The following NFIB variants were observed in gnomAD, a reference collection of about 807,000 sequenced individuals.
The protein encoded by NFIB is nuclear factor 1 B-type.
Under a neutral mutation model 61.5 loss-of-function variants are expected in NFIB, and 11 were observed. The observed-to-expected ratio is 0.18, with a 90% CI of 0.11 to 0.30. The LOEUF (loss-of-function observed/expected upper bound fraction) is 0.30. NFIB is among the 10% of genes least tolerant of loss of function. The pLI is 1.00. For synonymous variants in NFIB, 260 were observed against 216.5 expected, an observed-to-expected ratio of 1.20 and a Z score of -1.76; for missense variants, 471 against 608.9, an observed-to-expected ratio of 0.77 and a Z score of 2.38.
At chr9:14,318,505 C>CTTTTTTTTTTTTTTTT (rs34481505), upstream of NFIB, among the ~76,000 whole-genome samples, 22 of 66,856 alleles carry the variant, frequency 3.3e-4, no homozygotes, top group Admixed American at 6.8e-4. Context: ...CACTCGATGC[C>CTTTTTTTTTTTTTTTT]TTTTTTTTTT....
chr9:14,226,539 C>T (rs1268338652), intron 2 of NFIB, among the ~76,000 whole-genome samples: 1 of 146,484 alleles, frequency 6.8e-6, no homozygotes, highest in Non-Finnish European at 1.5e-5. Flanking sequence ...CAGAGCAAGA[C>T]CCTATCTCAG....
chr9:14,510,071 T>G, the NFIB span, among the ~76,000 whole-genome samples: 1 of 152,112 alleles, frequency 6.6e-6, no homozygotes, highest in Non-Finnish European at 1.5e-5. Context: ...AATTTTTATA[T>G]TGTTAGTAGA....
chr9:14,293,782 T>G (rs1487274673), intron 2 of NFIB, among the ~76,000 whole-genome samples: 1 of 152,182 alleles, frequency 6.6e-6, no homozygotes, highest in Non-Finnish European at 1.5e-5. Flanking sequence ...AAAAACTGTT[T>G]CCGTTTCATA....
intron 2 of NFIB, among the ~76,000 whole-genome samples, chr9:14,268,504 C>A (rs945508353): frequency 1.3e-5 from 2 of 152,172 alleles, no homozygotes; most frequent in Admixed American, 1.3e-4. Context: ...CTTACCTTTT[C>A]TTGTGCTGTT....
At chr9:14,281,941 AGGTC>A (rs1418045742) in intron 2 of NFIB, among the ~76,000 whole-genome samples, 1 of 152,218 alleles carries the variant, frequency 6.6e-6, no homozygotes, top group Non-Finnish European at 1.5e-5. Context: ...GATGCTGCAT[AGGTC>A]AAATATCTGT....
chr9:14,096,974 A>T (rs549377817), intron 10 of NFIB, among the ~76,000 whole-genome samples: 17 of 152,310 alleles, frequency 1.1e-4, no homozygotes, highest in African/African-American at 4.1e-4. Flanking sequence ...GTGTTGTACA[A>T]ATCTTTCTTT....
In NFIB at chr9:14,344,729, G is replaced by C. The variant is rs117872546; in HGVS notation, c.109-37209C>G. Among the ~76,000 whole-genome samples the C allele has an allele frequency of 6.1e-4, 93 of 151,810 alleles. 1 individual carries two copies. The East Asian group carries it at 0.013, about 21-fold the overall frequency. The stretch of plus-strand genomic sequence containing the variant: ...CTCCCCACTGAACCTCCTCCTACAG[G>C]GTTGCCAAGACTGCAGGGTAAAGAA... On this transcript the variant is annotated intron_variant, in intron 1 of 8. Transcript: ENST00000380934.
intron 10 of NFIB, among the ~76,000 whole-genome samples, chr9:14,089,735 C>A (rs1454322397): frequency 6.6e-6 from 1 of 152,098 alleles, no homozygotes; most frequent in East Asian, 1.9e-4. Context: ...AGCTATCAAT[C>A]TAGATATGCT....
intron 2 of NFIB, among the ~76,000 whole-genome samples, chr9:14,206,404 A>G (rs370927334): frequency 6.6e-6 from 1 of 152,030 alleles, no homozygotes; most frequent in African/African-American, 2.4e-5. Flanking sequence ...CCTGAGCTCA[A>G]GCAATCTTCC....
the NFIB span, among the ~76,000 whole-genome samples, chr9:14,425,697 G>C: frequency 3.4e-5 from 5 of 148,276 alleles, no homozygotes; most frequent in South Asian, 1.1e-3. Flanking sequence ...CAAACTGCAG[G>C]ATTGCCACAG....
At chr9:14,126,687 A>G (rs538081923) in intron 6 of NFIB, among the ~76,000 whole-genome samples, 1 of 152,224 alleles carries the variant, frequency 6.6e-6, no homozygotes, top group Non-Finnish European at 1.5e-5. Context: ...CTTCCTGTAC[A>G]AACGTCTGAA....
At chr9:14,499,422 G>C in the NFIB span, among the ~76,000 whole-genome samples, 4 of 152,130 alleles carry the variant, frequency 2.6e-5, no homozygotes, top group East Asian at 7.7e-4. Context: ...CATGGTAACA[G>C]GTCTCCTTAC....
In NFIB at chr9:14,398,602, G is replaced by A. The variant is rs758808481; in HGVS notation, c.30C>T (p.Phe10=). ...TCAGAACTGCACAGCAGACAACCCAGAAGTCCACAGACACTGGGATTCTTT... is the reference window on the plus strand; with the variant it reads ...TCAGAACTGCACAGCAGACAACCCAAAAGTCCACAGACACTGGGATTCTTT... Residue 10 remains phenylalanine (F), a synonymous_variant, in exon 1 of 9, where the codon TTC becomes TTT. Transcript: ENST00000380934. 3.3e-5 allele frequency: 50 copies of A among 1,533,592 alleles called. No individual in the cohort carries two copies. The Admixed American group carries it at 9.7e-4, about 30-fold the overall frequency. The allele number at this position is 1,533,592 out of a possible 1,614,324, so 95.0% of individuals were successfully genotyped here.
chr9:14,465,261 C>A, the NFIB span, among the ~76,000 whole-genome samples: 1 of 152,134 alleles, frequency 6.6e-6, no homozygotes, highest in Admixed American at 6.6e-5. Context: ...CATCCTGGAA[C>A]CTTCTAATGT....
intron 2 of NFIB, among the ~76,000 whole-genome samples, chr9:14,252,937 GGAAGGAAGGAAA>G (rs2055813340): frequency 7.1e-6 from 1 of 141,592 alleles, no homozygotes; most frequent in Non-Finnish European, 1.5e-5. Context: ...ATGGATGCAT[GGAAGGAAGGAAA>G]GGAGGGAGGA....
At chr9:14,225,051 T>C (rs1462426638) in intron 2 of NFIB, among the ~76,000 whole-genome samples, 1 of 152,150 alleles carries the variant, frequency 6.6e-6, no homozygotes, top group Non-Finnish European at 1.5e-5. Flanking sequence ...TGCAACTCTG[T>C]ACCCTCTGAC....
chr9:14,195,225 G>T (rs1032105313), intron 2 of NFIB, among the ~76,000 whole-genome samples: 2 of 151,930 alleles, frequency 1.3e-5, no homozygotes, highest in African/African-American at 4.8e-5. Flanking sequence ...AATTTAAACC[G>T]CCAGAGATGG....
chr9:14,119,516 T>C (rs1332400646), intron 8 of NFIB, among the ~76,000 whole-genome samples: 1 of 103,118 alleles, frequency 9.7e-6, no homozygotes, highest in African/African-American at 7.1e-5. Flanking sequence ...CACCTTTCTT[T>C]GCTAATTTAA....
intron 2 of NFIB, chr9:14,204,276 A>G: frequency 1.5e-6 from 1 of 660,498 alleles, no homozygotes; most frequent in Non-Finnish European, 2.7e-6. Flanking sequence ...GCCAAGGGGA[A>G]GAAGGTGGCT....
Sources: gnomAD v4.1 joint callset for allele counts (sites outside exome capture counted in the v4.1 genomes callset) on GRCh38, gnomAD v4.1.1 for gene constraint, MANE v1.5 for transcripts, NCBI Gene and HGNC (gene_info 2026-07-23, HGNC 2026-07-21) for gene names.